The following WAC variants were observed in gnomAD, a reference collection of about 807,000 sequenced individuals.
The protein encoded by WAC is WW domain-containing adapter protein with coiled-coil.
A neutral mutation model predicts 79.6 loss-of-function variants in WAC; 11 were observed. The ratio of observed to expected loss-of-function variants is 0.14; its 90% CI spans 0.09 to 0.23. The LOEUF is 0.23. Among genes scored for constraint, WAC ranks in the 10% least tolerant of loss-of-function variants. The pLI, the probability that WAC is intolerant of heterozygous loss-of-function variation, is 1.00. For synonymous variants in WAC, 304 were observed against 276.9 expected (o/e 1.10, Z -0.97); for missense variants, 728 against 773.5 (o/e 0.94, Z 0.70).
At chr10:28,545,370 C>T (rs1237202299) in intron 3 of WAC, among the ~76,000 whole-genome samples, 2 of 152,102 alleles carry the variant, frequency 1.3e-5, no homozygotes, top group African/African-American at 2.4e-5. Flanking sequence ...ATCCCAGCTA[C>T]TTGGGAGGCT....
intron 3 of WAC, among the ~76,000 whole-genome samples, chr10:28,546,221 C>T (rs117722134): frequency 0.013 from 2,051 of 152,248 alleles, 22 homozygotes; most frequent in Non-Finnish European, 0.018. Context: ...CTAATCTTTT[C>T]TGGTAGCTAA....
chr10:28,600,305 G>A (rs1025564160), intron 7 of WAC, among the ~76,000 whole-genome samples: 2 of 152,184 alleles, frequency 1.3e-5, no homozygotes, highest in South Asian at 4.1e-4. Context: ...GTCACTTGAA[G>A]TAAAATTTCC....
At chr10:28,601,749 A>T (rs762037532) in intron 7 of WAC, among the ~76,000 whole-genome samples, 4 of 152,228 alleles carry the variant, frequency 2.6e-5, no homozygotes, top group Non-Finnish European at 5.9e-5. Flanking sequence ...TACATGCTAC[A>T]ACATGGATGA....
chr10:28,561,086 C>T (rs550283235), intron 3 of WAC, among the ~76,000 whole-genome samples: 3 of 152,152 alleles, frequency 2.0e-5, no homozygotes, highest in Non-Finnish European at 4.4e-5. Flanking sequence ...CTAGGTCTGC[C>T]AGTAGATCAG....
chr10:28,619,640 G>GGA lies in WAC; in HGVS notation c.*35_*36dup. ...ATAATTGCACATGGTTTTGAGAACA[G>GGA]GAACTGTAAATCTGTTGCCCAATCT... is the stretch of plus-strand genomic sequence containing the variant. On this transcript the variant is annotated 3_prime_UTR_variant, in exon 14 of 14. Coordinates refer to ENST00000354911, the MANE Select transcript of WAC (RefSeq NM_016628.5). The GGA allele has an allele frequency of 6.5e-7, 1 of 1,537,980 alleles. No individual in the cohort carries two copies. Among genetic ancestry groups the GGA allele is most frequent in the Non-Finnish European group, 8.7e-7 (1 of 1,144,894 alleles).
At chr10:28,587,194 A>G (rs561126945) in intron 4 of WAC, among the ~76,000 whole-genome samples, 27 of 152,368 alleles carry the variant, frequency 1.8e-4, no homozygotes, top group African/African-American at 5.3e-4. Flanking sequence ...TAAAATATCA[A>G]TTGTAAACCC....
chr10:28,568,177 A>G (rs1348746159), intron 3 of WAC, among the ~76,000 whole-genome samples: 1 of 152,256 alleles, frequency 6.6e-6, no homozygotes, highest in Non-Finnish European at 1.5e-5. Context: ...GGGCAAATAC[A>G]GAAACATATT....
chr10:28,611,135 T>C (rs1188068915), intron 9 of WAC: 2 of 641,686 alleles, frequency 3.1e-6, no homozygotes, highest in Admixed American at 3.3e-5. Context: ...TAAACTATGA[T>C]GTGCCATATA....
intron 7 of WAC, among the ~76,000 whole-genome samples, chr10:28,604,354 C>G (rs779556167): frequency 1.3e-5 from 2 of 151,726 alleles, no homozygotes; most frequent in South Asian, 4.2e-4. Flanking sequence ...TTGAAGAATG[C>G]TGTCATTAAC....
chr10:28,563,744 CT>C lies in WAC; in HGVS notation c.275-19626del, dbSNP rs71281550. ...ACAAGTGCATGCTGCCTACACCCAG[CT>C]TTTTTTTTTTTTTTTTTTTTTTTTT... On this transcript the variant is annotated intron_variant, in intron 3 of 13. Transcript: ENST00000354911. 7.0e-3 allele frequency among the ~76,000 whole-genome samples: 472 copies of C among 67,836 alleles called. 3 individuals are homozygous for C. Among genetic ancestry groups the C allele is most frequent in the African/African-American group, 0.021 (360 of 16,990 alleles). 44.5% of individuals were successfully genotyped at this position (67,836 alleles called of 152,430 possible).
intron 3 of WAC, among the ~76,000 whole-genome samples, chr10:28,557,397 A>G (rs1352889489): frequency 1.3e-5 from 2 of 152,246 alleles, no homozygotes; most frequent in African/African-American, 4.8e-5. Flanking sequence ...AAATTGGAAA[A>G]TAAAGGAATA....
chr10:28,603,580 C>T (rs1355229657), intron 7 of WAC, among the ~76,000 whole-genome samples: 1 of 151,996 alleles, frequency 6.6e-6, no homozygotes, highest in African/African-American at 2.4e-5. Context: ...GCATATTAGC[C>T]TCATATCCTA....
chr10:28,604,268 C>T (rs1253129920), intron 7 of WAC, among the ~76,000 whole-genome samples: 4 of 147,398 alleles, frequency 2.7e-5, no homozygotes, highest in Admixed American at 6.8e-5. Flanking sequence ...TTAGCATTAT[C>T]AGTTTTGAGG....
Position 28,533,491 on chromosome 10 carries a change from C to T in WAC, c.-89C>T. On this transcript the variant is annotated 5_prime_UTR_variant, in exon 1 of 14. Transcript: ENST00000354911. The stretch of plus-strand genomic sequence containing the variant: ...CGGGCCCAGGTGCCGGGGCTGCCCG[C>T]CGCCCGCCGCCGCCGCCGCCTGCGC... 9.4e-6 allele frequency: 8 copies of T among 848,000 alleles called. No individual in the cohort carries two copies. Among genetic ancestry groups the T allele is most frequent in the Non-Finnish European group, 1.2e-5 (8 of 690,368 alleles). 52.5% of individuals were successfully genotyped at this position (848,000 alleles called of 1,614,324 possible).
At chr10:28,548,682 G>A (rs2807759) in intron 3 of WAC, among the ~76,000 whole-genome samples, 127,174 of 152,028 alleles carry the variant, frequency 0.84, 53,311 homozygotes, top group East Asian at 0.94. Context: ...CATCATACCC[G>A]TGTTACTGGG....
intron 3 of WAC, among the ~76,000 whole-genome samples, chr10:28,577,458 A>G (rs899299240): frequency 1.3e-5 from 2 of 152,152 alleles, no homozygotes; most frequent in African/African-American, 2.4e-5. Flanking sequence ...TATTTTTCCC[A>G]TAAGACTTTT....
intron 3 of WAC, among the ~76,000 whole-genome samples, chr10:28,572,675 G>A (rs1043909728): frequency 3.3e-5 from 5 of 152,062 alleles, no homozygotes; most frequent in African/African-American, 1.2e-4. Context: ...GCCTGGCGTG[G>A]TAGTGGGCAC....
intron 4 of WAC, 109 bp from the exon 5 acceptor site, chr10:28,589,627 G>A (rs1242837693): frequency 6.5e-6 from 4 of 616,872 alleles, no homozygotes; most frequent in Non-Finnish European, 2.8e-6. Flanking sequence ...CTAGTTCAGA[G>A]TACCTTTATC....
chr10:28,567,059 T>C (rs1369288401), intron 3 of WAC, among the ~76,000 whole-genome samples: 2 of 151,944 alleles, frequency 1.3e-5, no homozygotes, highest in African/African-American at 2.4e-5. Context: ...TGCTTTATGG[T>C]ATTTCTCTGT....
Sources: allele counts gnomAD v4.1 joint callset (sites outside exome capture counted in the v4.1 genomes callset), GRCh38; gene constraint gnomAD v4.1.1; transcripts MANE v1.5; gene names NCBI Gene and HGNC (gene_info 2026-07-23, HGNC 2026-07-21).